ARHGEF3: variants seen among roughly 807,000 people sequenced by gnomAD.
ARHGEF3 encodes the protein Rho guanine nucleotide exchange factor 3.
In ARHGEF3, 28 loss-of-function variants were observed where a neutral mutation model predicts 63.2. That is an observed-to-expected ratio of 0.44 (90% CI 0.33 to 0.61). The LOEUF (loss-of-function observed/expected upper bound fraction) is 0.61, where lower values mean the gene tolerates loss of function less well. Among genes scored for constraint, ARHGEF3 ranks in the 20% least tolerant of loss-of-function variants. The probability of loss-of-function intolerance (pLI) is 0.03; values close to 1 mark genes in which losing one functional copy is unlikely to be tolerated. For missense variants in ARHGEF3, 533 were observed against 659.3 expected, an observed-to-expected ratio of 0.81 and a Z score of 2.10; for synonymous variants, 266 against 254.2, an observed-to-expected ratio of 1.05 and a Z score of -0.44.
intron 3 of ARHGEF3, among the ~76,000 whole-genome samples, chr3:56,887,704 C>T (rs2040971247): frequency 6.6e-6 from 1 of 152,184 alleles, no homozygotes; most frequent in South Asian, 2.1e-4. Flanking sequence ...GCCAAGGACC[C>T]ACCCTGTTAT....
chr3:57,033,843 G>A (rs912988399), intron 2 of ARHGEF3, among the ~76,000 whole-genome samples: 2 of 152,006 alleles, frequency 1.3e-5, no homozygotes, highest in African/African-American at 4.8e-5. Flanking sequence ...TCAAGAGTTC[G>A]AAACCAGCCT....
In ARHGEF3 at chr3:57,074,572, G is replaced by A. The variant is rs146717450; in HGVS notation, c.-28+4654C>T. On this transcript the variant is annotated intron_variant, in intron 1 of 12. Coordinates refer to the ARHGEF3 transcript ENST00000338458. ...AATGACATCAATTGATCAATCAATC[G>A]ATCAATCAATGAAAGAGTGGGAGGC... 2.3e-4 allele frequency: 75 copies of A among 328,302 alleles called. 1 individual carries two copies. Among genetic ancestry groups the A allele is most frequent in the African/African-American group, 1.2e-3 (58 of 47,202 alleles). 20.3% of individuals were successfully genotyped at this position (328,302 alleles called of 1,614,324 possible). A position where few individuals can be genotyped will look rare whatever the true frequency, so the allele number is the denominator to read the frequency against.
At chr3:57,046,649 GT>G (rs1704466474) in intron 1 of ARHGEF3, among the ~76,000 whole-genome samples, 2 of 152,186 alleles carry the variant, frequency 1.3e-5, no homozygotes, top group South Asian at 4.1e-4. Flanking sequence ...TTCTCCTACA[GT>G]GCTAGAGCAG....
At chr3:56,818,704 TA>T (rs1358769175) in intron 4 of ARHGEF3, among the ~76,000 whole-genome samples, 2 of 152,140 alleles carry the variant, frequency 1.3e-5, no homozygotes, top group Non-Finnish European at 2.9e-5. Context: ...TAACCACAGG[TA>T]AACCTCCCCC....
Position 56,729,545 on chromosome 3 carries a change from T to G in ARHGEF3, c.1306A>C (p.Asn436His), listed in dbSNP as rs147084142. Residue 436 changes from asparagine (N) to histidine (H), a missense_variant, in exon 10 of 10, where the codon AAC becomes CAC. By Grantham distance (68) the Asn-to-His change is moderately conservative (BLOSUM62 1). Coordinates refer to ENST00000296315, the MANE Select transcript of ARHGEF3 (RefSeq NM_019555.3). ...THSLQANDTF[N>H]KQQWLNCIRQ... ...ATACAGTTAAGCCACTGCTGTTTGT[T>G]GAAAGTGTCATTGGCTTGTAGCGAG... 7.0e-5 allele frequency: 113 copies of G among 1,614,182 alleles called. No homozygotes were observed. The highest frequency in any genetic ancestry group is 5.0e-4 in the Middle Eastern group (3 of 6,060).
chr3:56,807,879 T>A (rs2037919006), intron 4 of ARHGEF3, among the ~76,000 whole-genome samples: 1 of 152,216 alleles, frequency 6.6e-6, no homozygotes, highest in African/African-American at 2.4e-5. Flanking sequence ...ATCCCAGCAC[T>A]TTGGGAGGCC....
At chr3:56,794,357 G>A (rs560428105) in intron 1 of ARHGEF3, among the ~76,000 whole-genome samples, 16 of 151,896 alleles carry the variant, frequency 1.1e-4, no homozygotes, top group South Asian at 4.2e-4. Context: ...GCGTGGTGGC[G>A]TGTGCCTGTA....
At chr3:57,064,964 C>A (rs1705442739) in intron 1 of ARHGEF3, among the ~76,000 whole-genome samples, 1 of 152,056 alleles carries the variant, frequency 6.6e-6, no homozygotes, top group East Asian at 1.9e-4. Context: ...TTTTGAGACA[C>A]AATAGAAGGC....
chr3:56,779,150 C>A (rs2036424006), intron 1 of ARHGEF3, among the ~76,000 whole-genome samples: 1 of 152,210 alleles, frequency 6.6e-6, no homozygotes, highest in African/African-American at 2.4e-5. Flanking sequence ...CCCTGATAAA[C>A]AGGGGAAACA....
In ARHGEF3 at chr3:56,949,891, C is replaced by G. The variant is rs1699714870; in HGVS notation, c.129+8932G>C. Among the ~76,000 whole-genome samples the G allele has an allele frequency of 2.0e-5, 3 of 152,136 alleles. No homozygotes were observed. The South Asian group carries it at 6.2e-4, about 32-fold the overall frequency. On this transcript the variant is annotated intron_variant, in intron 3 of 12. Transcript: ENST00000338458. The stretch of plus-strand genomic sequence containing the variant: ...CCTCACTTCAAACTATACTACAAGG[C>G]TACAGTAACCAAAACAGCATGGTAC...
At chr3:56,999,118 C>T (rs534883244) in intron 2 of ARHGEF3, among the ~76,000 whole-genome samples, 4 of 151,294 alleles carry the variant, frequency 2.6e-5, no homozygotes, top group South Asian at 4.2e-4. Flanking sequence ...GGTGTGATCT[C>T]GGCTCACTGC....
rs555964443 is a variant in ARHGEF3, at chr3:56,855,828, T to C, written c.192+26464A>G. On this transcript the variant is annotated intron_variant, in intron 4 of 12. Transcript: ENST00000338458. ...CCACAGCTCTCCCAAATTTGTGACA[T>C]AGATGTACAGATGATGATGACACAG... 4.6e-5 allele frequency among the ~76,000 whole-genome samples: 7 copies of C among 152,214 alleles called. No homozygotes were observed. The South Asian group carries it at 8.3e-4, about 18-fold the overall frequency.
chr3:56,779,516 G>A (rs1008278103), intron 1 of ARHGEF3, among the ~76,000 whole-genome samples: 1 of 151,448 alleles, frequency 6.6e-6, no homozygotes. Flanking sequence ...TTTTTGAGAC[G>A]GAGTCTCGCT....
intron 3 of ARHGEF3, among the ~76,000 whole-genome samples, chr3:56,888,942 C>T (rs577781272): frequency 6.6e-6 from 1 of 150,652 alleles, no homozygotes; most frequent in South Asian, 2.1e-4. Context: ...CAAAAATGAC[C>T]AGGGGGTCCC....
At chr3:57,057,955 G>GT (rs1705016790) in intron 1 of ARHGEF3, among the ~76,000 whole-genome samples, 1 of 152,188 alleles carries the variant, frequency 6.6e-6, no homozygotes, top group Non-Finnish European at 1.5e-5. Flanking sequence ...TTGCCACCAA[G>GT]TTAGCAACTC....
chr3:56,804,461 C>T (rs528198166), upstream of ARHGEF3, among the ~76,000 whole-genome samples: 2 of 152,180 alleles, frequency 1.3e-5, no homozygotes. Context: ...CAAATCCACA[C>T]CCTCACACTA....
chr3:56,961,561 C>G (rs1032917762), intron 2 of ARHGEF3, among the ~76,000 whole-genome samples: 1 of 152,116 alleles, frequency 6.6e-6, no homozygotes, highest in African/African-American at 2.4e-5. Flanking sequence ...GGCCTCATAG[C>G]CAAAGAAAAA....
At chr3:56,835,192 T>G (rs1013993828) in intron 4 of ARHGEF3, among the ~76,000 whole-genome samples, 1 of 152,202 alleles carries the variant, frequency 6.6e-6, no homozygotes, top group Non-Finnish European at 1.5e-5. Context: ...GTTGGTTTTT[T>G]GAGATGAAGT....
intron 2 of ARHGEF3, among the ~76,000 whole-genome samples, chr3:57,003,486 A>G (rs1702345626): frequency 6.6e-6 from 1 of 150,732 alleles, no homozygotes; most frequent in South Asian, 2.1e-4. Context: ...ACCTGACTCC[A>G]GGCAGGCTGG....
Sources: gnomAD v4.1 joint callset for allele counts (sites outside exome capture counted in the v4.1 genomes callset) on GRCh38, gnomAD v4.1.1 for gene constraint, MANE v1.5 for transcripts, NCBI Gene and HGNC (gene_info 2026-07-23, HGNC 2026-07-21) for gene names.